Variants in FREM1 observed in about 807,000 individuals in gnomAD.
FREM1 encodes the protein FRAS1-related extracellular matrix protein 1.
A neutral mutation model predicts 210.1 loss-of-function variants in FREM1; 220 were observed. The observed-to-expected ratio is 1.05, with a 90% CI of 0.94 to 1.17. The LOEUF is 1.17. FREM1 is among the 50% of genes most tolerant of loss of function. The pLI, the probability that FREM1 is intolerant of heterozygous loss-of-function variation, is 0.00. For synonymous variants in FREM1, 1,189 were observed against 980.2 expected (o/e 1.21, Z -3.98); for missense variants, 3,454 against 2,675.5 (o/e 1.29, Z -6.42).
At chr9:14,907,106 C>G (rs2132738960) in intron 1 of FREM1, among the ~76,000 whole-genome samples, 1 of 152,308 alleles carries the variant, frequency 6.6e-6, no homozygotes, top group African/African-American at 2.4e-5. Context: ...CCATGAGAGG[C>G]AAAGAACATT....
intron 23 of FREM1, among the ~76,000 whole-genome samples, chr9:14,788,239 AG>A: frequency 1.3e-5 from 2 of 152,302 alleles, no homozygotes; most frequent in Middle Eastern, 3.4e-3. Flanking sequence ...ATTACAGGGT[AG>A]TAACAGTTGG....
intron 1 of FREM1, among the ~76,000 whole-genome samples, chr9:14,894,189 T>C (rs1490071813): frequency 6.6e-6 from 1 of 152,258 alleles, no homozygotes; most frequent in Non-Finnish European, 1.5e-5. Flanking sequence ...CTTAGGGCTG[T>C]ATTTATATAA....
chr9:14,798,627 G>A (rs1032523600), intron 20 of FREM1, among the ~76,000 whole-genome samples: 10 of 151,954 alleles, frequency 6.6e-5, no homozygotes, highest in African/African-American at 2.4e-4. Flanking sequence ...AGCATAATAA[G>A]TCTATATGAT....
At position 14,791,925 on chromosome 9, in the gene FREM1, T is replaced by G. The variant is rs2201379; in HGVS notation, c.3981+818A>C. On this transcript the variant is annotated intron_variant, in intron 22 of 36. Coordinates refer to ENST00000380880, the MANE Select transcript of FREM1 (RefSeq NM_001379081.2). ...TCAGCTCACTGCAACCTCTCCCCCC[T>G]CTCCCGGGTTCAAGTAATTCTCCTG... Among the ~76,000 whole-genome samples the G allele has an allele frequency of 5.5e-3, 835 of 151,980 alleles. 4 individuals are homozygous for G. Among genetic ancestry groups the G allele is most frequent in the African/African-American group, 0.015 (602 of 41,346 alleles).
intron 22 of FREM1, among the ~76,000 whole-genome samples, chr9:14,791,820 G>GTTTGT (rs71323912): frequency 0.31 from 46,432 of 150,154 alleles, 8,280 homozygotes; most frequent in African/African-American, 0.48. Context: ...TCAGATAATG[G>GTTTGT]TTTGTTTTGT....
At chr9:14,754,169 G>A (rs1257937942) in intron 29 of FREM1, among the ~76,000 whole-genome samples, 3 of 152,152 alleles carry the variant, frequency 2.0e-5, no homozygotes, top group Admixed American at 6.5e-5. Context: ...AAATTATGAA[G>A]ATGACATATG....
chr9:14,848,878 G>C, intron 6 of FREM1, 105 bp from the exon 7 acceptor site: 1 of 568,182 alleles, frequency 1.8e-6, no homozygotes, highest in East Asian at 2.9e-5. Flanking sequence ...TTTTCTGCGG[G>C]GATTCACATT....
chr9:14,794,152 T>G (rs1851916591), intron 21 of FREM1, among the ~76,000 whole-genome samples: 1 of 152,168 alleles, frequency 6.6e-6, no homozygotes, highest in Non-Finnish European at 1.5e-5. Flanking sequence ...ATCTAGGTTA[T>G]CCTAAAAGGA....
intron 2 of FREM1, among the ~76,000 whole-genome samples, chr9:14,865,351 T>C (rs1831310286): frequency 6.6e-6 from 1 of 152,310 alleles, no homozygotes; most frequent in Admixed American, 6.5e-5. Context: ...GGAAAACATA[T>C]TGCCATCAAC....
In FREM1 at chr9:14,805,037, A is replaced by G. The variant is rs752420980; in HGVS notation, c.3390T>C (p.His1130=). 1.2e-6 allele frequency: 2 copies of G among 1,613,592 alleles called. No individual in the cohort carries two copies. The highest frequency in any genetic ancestry group is 1.7e-6 in the Non-Finnish European group (2 of 1,179,616). ...TAGAAAATGGTATCTCCAAGGAGTG[A>G]TGCTTCCCATCTGTGACGTACACCG... ...QFTVYVTDGK[H]HSLEIPFSII... The change falls in exon 19 of 37, where the codon CAT becomes CAC. Residue 1130 remains histidine (H), a synonymous_variant. Transcript: ENST00000380880.
chr9:14,801,948 G>C, intron 19 of FREM1, 74 bp from the exon 20 acceptor site: 1 of 1,065,850 alleles, frequency 9.4e-7, no homozygotes, highest in East Asian at 2.4e-5. Flanking sequence ...ACTGCTTAAA[G>C]AAATCACTTG....
chr9:14,772,133 C>G (rs7852222), intron 25 of FREM1, among the ~76,000 whole-genome samples: 62,030 of 151,630 alleles, frequency 0.41, 12,948 homozygotes, highest in Non-Finnish European at 0.43. Flanking sequence ...AATTATAACT[C>G]ATGATGATAA....
At chr9:14,772,766 A>G (rs983758731) in intron 25 of FREM1, among the ~76,000 whole-genome samples, 2 of 152,200 alleles carry the variant, frequency 1.3e-5, no homozygotes, top group Non-Finnish European at 2.9e-5. Context: ...GGCCAGTAAG[A>G]GAGATGGTTA....
chr9:14,847,095 T>G lies in FREM1; in HGVS notation c.1262-1004A>C, dbSNP rs1295025466. Among the ~76,000 whole-genome samples the G allele has an allele frequency of 4.6e-5, 7 of 152,268 alleles. No individual in the cohort carries two copies. The East Asian group carries it at 1.4e-3, about 29-fold the overall frequency. On this transcript the variant is annotated intron_variant, in intron 7 of 36. Coordinates refer to ENST00000380880, the MANE Select transcript of FREM1 (RefSeq NM_001379081.2). ...GGAGTTAACAGCCAGTGAAGTAAAC[T>G]TTAACCCATTAAACACAGGAGATGG... is the stretch of plus-strand genomic sequence containing the variant.
intron 7 of FREM1, among the ~76,000 whole-genome samples, chr9:14,846,988 G>A (rs997948816): frequency 1.3e-5 from 2 of 152,198 alleles, no homozygotes; most frequent in African/African-American, 4.8e-5. Context: ...CCTTGTGGCT[G>A]ATCAGGCCCT....
At chr9:14,857,892 G>A (rs1829088236) in intron 4 of FREM1, 143 bp from the exon 5 acceptor site, 1 of 527,630 alleles carries the variant, frequency 1.9e-6, no homozygotes, top group Admixed American at 3.6e-5. Flanking sequence ...TCACTGAGTG[G>A]GTTGTCATTA....
chr9:14,783,171 T>C (rs1247351842), intron 24 of FREM1, among the ~76,000 whole-genome samples: 1 of 152,240 alleles, frequency 6.6e-6, no homozygotes, highest in Non-Finnish European at 1.5e-5. Flanking sequence ...TGTTGGATTA[T>C]CCAAATCAGC....
chr9:14,794,944 A>G (rs1852085389), intron 21 of FREM1, among the ~76,000 whole-genome samples: 2 of 150,356 alleles, frequency 1.3e-5, no homozygotes, highest in Non-Finnish European at 3.0e-5. Flanking sequence ...CTTGCAGTGA[A>G]CCAACATCGT....
intron 1 of FREM1, among the ~76,000 whole-genome samples, chr9:14,897,776 T>C (rs899528140): frequency 1.3e-5 from 2 of 152,018 alleles, no homozygotes; most frequent in South Asian, 2.1e-4. Context: ...AATTTTTTTG[T>C]AGAAACAGGG....
Sources: allele counts gnomAD v4.1 joint callset (sites outside exome capture counted in the v4.1 genomes callset), GRCh38; gene constraint gnomAD v4.1.1; transcripts MANE v1.5; gene names NCBI Gene and HGNC (gene_info 2026-07-23, HGNC 2026-07-21).